PCDHGB2: variants seen among roughly 807,000 people sequenced by gnomAD.
PCDHGB2 encodes protocadherin gamma-B2.
Under a neutral mutation model 59.3 loss-of-function variants are expected in PCDHGB2, and 55 were observed. The observed-to-expected ratio is 0.93, with a 90% CI of 0.75 to 1.16. The LOEUF (loss-of-function observed/expected upper bound fraction) is 1.16. Ranked by LOEUF, PCDHGB2 falls within the 50% of genes most tolerant of loss-of-function variation. The probability of loss-of-function intolerance (pLI) is 0.00; values close to 1 mark genes in which losing one functional copy is unlikely to be tolerated. For missense variants in PCDHGB2, 1,228 were observed against 1,198.5 expected, an observed-to-expected ratio of 1.02 and a Z score of -0.36; for synonymous variants, 516 against 512.0, an observed-to-expected ratio of 1.01 and a Z score of -0.11.
intron 1 of PCDHGB2, chr5:141,372,218 T>G: frequency 3.1e-6 from 5 of 1,613,544 alleles, no homozygotes; most frequent in Non-Finnish European, 4.2e-6. Context: ...CCTACCACAT[T>G]GTGCAGGCCA....
At chr5:141,405,441 A>G (rs1049992632) in intron 1 of PCDHGB2, 1 of 1,376,552 alleles carries the variant, frequency 7.3e-7, no homozygotes, top group Non-Finnish European at 1.0e-6. Context: ...TGTTTTTGAG[A>G]CAGAGTCTTA....
In PCDHGB2 at chr5:141,491,942, C is replaced by A; in HGVS notation, c.2422-2865C>A. The A allele has an allele frequency of 8.9e-7, 1 of 1,122,490 alleles. No individual in the cohort carries two copies. The highest frequency in any genetic ancestry group is 1.2e-6 in the Non-Finnish European group (1 of 824,374). 69.5% of individuals were successfully genotyped at this position (1,122,490 alleles called of 1,614,324 possible). The stretch of plus-strand genomic sequence containing the variant: ...GGCGAGGGGAGGTGGGACCGACCCC[C>A]ACCCCTACACTCAAAAAAGGCCGGG... On this transcript the variant is annotated intron_variant, in intron 1 of 3. Transcript: ENST00000522605. The surrounding 1 kb of genome is among the most constrained non-coding windows in gnomAD (Gnocchi z 6.9).
intron 1 of PCDHGB2, among the ~76,000 whole-genome samples, chr5:141,362,788 C>T (rs1395369967): frequency 6.6e-6 from 1 of 152,198 alleles, no homozygotes; most frequent in East Asian, 1.9e-4. Flanking sequence ...ATTTCTTTTT[C>T]TTCCTCATCT....
At chr5:141,426,480 C>T (rs1379758117) in intron 1 of PCDHGB2, 4 of 325,590 alleles carry the variant, frequency 1.2e-5, no homozygotes, top group Non-Finnish European at 1.8e-5. Flanking sequence ...TGACCTGAAA[C>T]CTTAGAGTTA....
At chr5:141,366,022 C>T in intron 1 of PCDHGB2, 1 of 1,614,248 alleles carries the variant, frequency 6.2e-7, no homozygotes, top group Non-Finnish European at 8.5e-7. Context: ...AGATCCTGTA[C>T]CCCGCCCTCC....
rs753233498 is a variant in PCDHGB2, at chr5:141,364,455, G to T, written c.2421+1899G>T. 13 of 1,613,882 alleles carry T rather than the reference G, an allele frequency of 8.1e-6. No homozygotes were observed. In the South Asian group the frequency reaches 1.2e-4, roughly 15 times the overall value. ...TCGATGCCGGAGGAGCTGGACAAAG[G>T]CTCCTTCGTCGGCAACATAGCCAAG... On this transcript the variant is annotated intron_variant, in intron 1 of 3. Coordinates refer to ENST00000522605, the MANE Select transcript of PCDHGB2 (RefSeq NM_018923.3).
chr5:141,382,125 G>GC (rs1470370841), intron 1 of PCDHGB2, among the ~76,000 whole-genome samples: 4 of 151,872 alleles, frequency 2.6e-5, no homozygotes, highest in Non-Finnish European at 5.9e-5. Flanking sequence ...ACAGCACCTG[G>GC]CCCCCCCTCT....
rs370096238 is a variant in PCDHGB2, at chr5:141,361,050, T to C, written c.915T>C (p.Asp305=). ...NEKTGEITTK[D]DLDFEIASSY... ...AAACAGGAGAAATCACGACAAAGGA[T>C]GATTTGGATTTTGAGATTGCAAGTA... Residue 305 remains aspartate (D), a synonymous_variant, in exon 1 of 4, where the codon GAT becomes GAC. Coordinates refer to ENST00000522605, the MANE Select transcript of PCDHGB2 (RefSeq NM_018923.3). 28 of 1,613,586 alleles carry C rather than the reference T, an allele frequency of 1.7e-5. No homozygotes were observed. The highest frequency in any genetic ancestry group is 2.7e-5 in the African/African-American group (2 of 74,914).
At chr5:141,381,029 T>C (rs976718384) in intron 1 of PCDHGB2, among the ~76,000 whole-genome samples, 4 of 152,266 alleles carry the variant, frequency 2.6e-5, no homozygotes, top group Admixed American at 6.5e-5. Context: ...TTAGTTCCTT[T>C]AAACAAAATT....
chr5:141,395,886 C>A (rs538799478), intron 1 of PCDHGB2: 1 of 152,168 alleles, frequency 6.6e-6, no homozygotes, highest in East Asian at 1.9e-4. Context: ...TCAGTGGTCA[C>A]CTGGGCTCCA....
At position 141,384,373 on chromosome 5, in the gene PCDHGB2, G is replaced by A. The variant is rs916805364; in HGVS notation, c.2421+21817G>A. 27 of 1,613,764 alleles carry A rather than the reference G, an allele frequency of 1.7e-5. No homozygotes were observed. The highest frequency in any genetic ancestry group is 2.1e-5 in the Non-Finnish European group (25 of 1,179,894). ...TAATGCCCAGATCACTTATTCCTTGGCCGAAGACACCATCCAGGGGGCTCC... is the reference window on the plus strand; with the variant it reads ...TAATGCCCAGATCACTTATTCCTTGACCGAAGACACCATCCAGGGGGCTCC... On this transcript the variant is annotated intron_variant, in intron 1 of 3. Coordinates refer to ENST00000522605, the MANE Select transcript of PCDHGB2 (RefSeq NM_018923.3).
rs117064561 is a variant in PCDHGB2, at chr5:141,470,737, G to T, written c.2422-24070G>T. Among the ~76,000 whole-genome samples the T allele has an allele frequency of 1.9e-3, 295 of 152,132 alleles. 7 individuals carry two copies. In the East Asian group the frequency reaches 0.046, roughly 24 times the overall value. On this transcript the variant is annotated intron_variant, in intron 1 of 3. Coordinates refer to ENST00000522605, the MANE Select transcript of PCDHGB2 (RefSeq NM_018923.3). ...TTTTGAGTCAGGGTCTTGCTCTGTC[G>T]CCCTGGCTGGAGTGCAGTGGACTCA...
In PCDHGB2 at chr5:141,459,764, A is replaced by G. The variant is rs980972909; in HGVS notation, c.2422-35043A>G. On this transcript the variant is annotated intron_variant, in intron 1 of 3. Transcript: ENST00000522605. ...TTTTAGCAATTCTAGTGGGTGTGTG[A>G]TACTATCTCATTGAAGTTTCAACTG... Among the ~76,000 whole-genome samples, 56 of 152,208 alleles carry G rather than the reference A, an allele frequency of 3.7e-4. 1 individual carries two copies. Among genetic ancestry groups the G allele is most frequent in the Admixed American group, 6.5e-5 (1 of 15,274 alleles).
chr5:141,375,417 C>T, intron 1 of PCDHGB2: 3 of 1,613,976 alleles, frequency 1.9e-6, no homozygotes, highest in Non-Finnish European at 2.5e-6. Context: ...GTGGCAGACA[C>T]CAACGACAAC....
chr5:141,487,029 T>C lies in PCDHGB2; in HGVS notation c.2422-7778T>C. 1.2e-6 allele frequency: 2 copies of C among 1,614,226 alleles called. No individual in the cohort carries two copies. Among genetic ancestry groups the C allele is most frequent in the Non-Finnish European group, 1.7e-6 (2 of 1,180,040 alleles). ...CTGGAGGCCCCAGATCCCAGCCTGT[T>C]TGCAGTCTCTCGATATGCTGGGGAG... is the stretch of plus-strand genomic sequence containing the variant. On this transcript the variant is annotated intron_variant, in intron 1 of 3. Coordinates refer to ENST00000522605, the MANE Select transcript of PCDHGB2 (RefSeq NM_018923.3). The surrounding 1 kb of genome is among the most constrained non-coding windows in gnomAD (Gnocchi z 5.0).
At chr5:141,394,324 A>G in intron 1 of PCDHGB2, 1 of 1,613,922 alleles carries the variant, frequency 6.2e-7, no homozygotes. Context: ...CTGTCCTCGT[A>G]TATCTCCATC....
At chr5:141,433,640 A>C (rs2097637476) in intron 1 of PCDHGB2, among the ~76,000 whole-genome samples, 2 of 152,138 alleles carry the variant, frequency 1.3e-5, no homozygotes, top group South Asian at 2.1e-4. Flanking sequence ...GTTTGAGACC[A>C]GCCTGACCAA....
chr5:141,424,519 A>T (rs1216899186), intron 1 of PCDHGB2: 1 of 152,222 alleles, frequency 6.6e-6, no homozygotes, highest in African/African-American at 2.4e-5. Context: ...TTAATGTAGT[A>T]AATCCATATA....
rs1390441638 is a variant in PCDHGB2, at chr5:141,432,562, C to T, written c.2422-62245C>T. 1.9e-6 allele frequency: 3 copies of T among 1,613,964 alleles called. No individual in the cohort carries two copies. Among genetic ancestry groups the T allele is most frequent in the Non-Finnish European group, 2.5e-6 (3 of 1,180,004 alleles). On this transcript the variant is annotated intron_variant, in intron 1 of 3. Coordinates refer to ENST00000522605, the MANE Select transcript of PCDHGB2 (RefSeq NM_018923.3). This position sits in a 1 kb window ranked among gnomAD's most constrained non-coding sequence, Gnocchi z 6.0. ...CGGTGGACAGAGACTCCGGCCAGAA[C>T]GCCTGGCTGTCCTACCGTCTGCTCA...
Sources: gnomAD v4.1 joint callset for allele counts (sites outside exome capture counted in the v4.1 genomes callset) on GRCh38, gnomAD v4.1.1 for gene constraint, Gnocchi (gnomAD v3.1) non-coding constraint, MANE v1.5 for transcripts, NCBI Gene and HGNC (gene_info 2026-07-23, HGNC 2026-07-21) for gene names.